CALML4: variants seen among roughly 807,000 people sequenced by gnomAD.
The protein encoded by CALML4 is calmodulin like 4.
CALML4 carries 16 observed loss-of-function variants against 17.9 expected under a neutral mutation model. The ratio of observed to expected loss-of-function variants is 0.89; its 90% CI spans 0.61 to 1.36. CALML4 has a LOEUF of 1.36. CALML4 is among the 40% of genes most tolerant of loss of function. The probability of loss-of-function intolerance (pLI) is 0.00; values close to 1 mark genes in which losing one functional copy is unlikely to be tolerated. For synonymous variants in CALML4, 86 were observed against 71.5 expected, an observed-to-expected ratio of 1.20 and a Z score of -1.02; for missense variants, 203 against 194.8, an observed-to-expected ratio of 1.04 and a Z score of -0.25.
chr15:68,203,725 T>TAC (rs1374123869), intron 2 of CALML4, among the ~76,000 whole-genome samples: 1 of 152,186 alleles, frequency 6.6e-6, no homozygotes, highest in African/African-American at 2.4e-5. Context: ...TGGCATATCC[T>TAC]ACTTCATAGG....
chr15:68,191,940 CTG>C lies in CALML4; in HGVS notation c.*2073_*2074del, dbSNP rs755777813. On this transcript the variant is annotated 3_prime_UTR_variant, in exon 5 of 5. Transcript: ENST00000467889. ...GGTTCTAATGACCATTCCACACCAA[CTG>C]TGTGTTTTTGGCAAGTTATATTTCA... The C allele has an allele frequency of 1.3e-5, 2 of 152,350 alleles. No homozygotes were observed. The highest frequency in any genetic ancestry group is 2.4e-5 in the African/African-American group (1 of 41,578). 9.4% of individuals were successfully genotyped at this position (152,350 alleles called of 1,614,324 possible).
chr15:68,202,493 C>T (rs1333165599), intron 2 of CALML4, among the ~76,000 whole-genome samples: 1 of 152,018 alleles, frequency 6.6e-6, no homozygotes, highest in African/African-American at 2.4e-5. Context: ...GTAGTCCCAG[C>T]TACTCAGGAG....
chr15:68,195,574 T>TCA (rs1191488133), intron 4 of CALML4, among the ~76,000 whole-genome samples: 15 of 152,094 alleles, frequency 9.9e-5, no homozygotes, highest in Admixed American at 5.9e-4. Context: ...TCACTCCATC[T>TCA]CACTTCAAAG....
intron 4 of CALML4, among the ~76,000 whole-genome samples, chr15:68,196,507 T>A (rs1182287701): frequency 6.6e-6 from 1 of 152,138 alleles, no homozygotes; most frequent in Non-Finnish European, 1.5e-5. Context: ...CAGCACCCAC[T>A]TGTGGCCAAG....
At chr15:68,203,656 G>A (rs545843715) in intron 2 of CALML4, among the ~76,000 whole-genome samples, 7 of 152,284 alleles carry the variant, frequency 4.6e-5, no homozygotes, top group Admixed American at 1.3e-4. Context: ...CTGGCCCAGC[G>A]TCCAGCATGT....
intron 2 of CALML4, among the ~76,000 whole-genome samples, chr15:68,202,581 ACT>A (rs944592664): frequency 4.0e-5 from 6 of 151,514 alleles, no homozygotes; most frequent in Admixed American, 1.3e-4. Context: ...ACAGAGCAAG[ACT>A]CTGTCTCAAA....
rs558154168 is a variant in CALML4 at position 68,199,638 on chromosome 15, C to T, written c.78G>A (p.Gly26=). 15 of 1,613,548 alleles carry T rather than the reference C, an allele frequency of 9.3e-6. 1 individual carries two copies. In the South Asian group the frequency reaches 1.1e-4, roughly 12 times the overall value. ...CCATGAGGTCGGTGGCTTTTATCTT[C>T]CCCCTCTGCTGCTTGTCATACAGGG... ...CFSLYDKQQR[G]KIKATDLMVA... The change falls in exon 3 of 5, where the codon GGG becomes GGA. Residue 26 remains glycine, a synonymous_variant. Coordinates refer to ENST00000467889, the MANE Select transcript of CALML4 (RefSeq NM_033429.3).
At position 68,199,567 on chromosome 15, in the gene CALML4, T is replaced by C. The variant is rs199655041; in HGVS notation, c.149A>G (p.Gln50Arg). ...TATCCCGTGGGTCTGCAGGTGCCGC[T>C]GCACCTCCCCTGGCGTCGGGCTGGC... ...LGASPTPGEV[Q>R]RHLQTHGIDG... is the part of the protein sequence containing the mutation. Residue 50 changes from glutamine (Q) to arginine (R), a missense_variant, in exon 3 of 5, where the codon CAG becomes CGG. By Grantham distance (43) the Gln-to-Arg change is conservative. Transcript: ENST00000467889. 9.9e-6 allele frequency: 16 copies of C among 1,613,580 alleles called. No individual in the cohort carries two copies. The highest frequency in any genetic ancestry group is 1.6e-4 in the Middle Eastern group (1 of 6,076).
intron 4 of CALML4, among the ~76,000 whole-genome samples, chr15:68,196,697 G>A (rs2093145984): frequency 6.6e-6 from 1 of 152,154 alleles, no homozygotes; most frequent in Admixed American, 6.5e-5. Context: ...AATGGCCTTG[G>A]CGTGGGGATC....
At chr15:68,194,362 C>T (rs1165150305) in intron 4 of CALML4, among the ~76,000 whole-genome samples, 14 of 148,818 alleles carry the variant, frequency 9.4e-5, no homozygotes, top group East Asian at 5.9e-4. Context: ...GGTAAGGATT[C>T]GGTCACTGAT....
chr15:68,205,146 CTT>C lies in CALML4; in HGVS notation c.7_8del (p.Lys3ValfsTer8), dbSNP rs756508837. On this transcript the variant is annotated frameshift_variant, in exon 2 of 5. Coordinates refer to ENST00000467889, the MANE Select transcript of CALML4 (RefSeq NM_033429.3). LOFTEE classifies it high-confidence loss of function. This position sits in a 1 kb window ranked among gnomAD's most constrained non-coding sequence, Gnocchi z 4.8. ...CATTAATTTGGTCTTGGGAAAGAAA[CTT>C]GGCCTGCAGCAGAGAAAGGAAAACA... is the stretch of plus-strand genomic sequence containing the variant. MA[K>X]FLSQDQINEY... 2 of 1,614,148 alleles carry C rather than the reference CTT, an allele frequency of 1.2e-6. No individual in the cohort carries two copies. Among genetic ancestry groups the C allele is most frequent in the East Asian group, 2.2e-5 (1 of 44,866 alleles).
chr15:68,197,496 G>T lies in CALML4; in HGVS notation c.308C>A (p.Ala103Glu). 6.2e-7 allele frequency: 1 copy of T among 1,614,130 alleles called. No individual in the cohort carries two copies. The highest frequency in any genetic ancestry group is 8.5e-7 in the Non-Finnish European group (1 of 1,180,022). The change falls in exon 4 of 5, where the codon GCG (alanine) becomes GAG (glutamate). Residue 103 changes from alanine (A) to glutamate (E), a missense_variant. Ala to Glu is a moderately radical substitution (Grantham distance 107). Coordinates refer to ENST00000467889, the MANE Select transcript of CALML4 (RefSeq NM_033429.3). This position sits in a 1 kb window ranked among gnomAD's most constrained non-coding sequence, Gnocchi z 4.1. The stretch of plus-strand genomic sequence containing the variant: ...CGTGAGTTTTGACCGCAGGTCGGAC[G>T]CCATGACGTAACCTTTCTTCTCCTT... ...VDKEKKGYVM[A>E]SDLRSKLTSL... is the part of the protein sequence containing the mutation.
In CALML4 at chr15:68,199,683, T is replaced by C. The variant is rs750744719; in HGVS notation, c.35-2A>G. The C allele has an allele frequency of 3.7e-6, 6 of 1,612,816 alleles. No individual in the cohort carries two copies. In the Admixed American group the frequency reaches 8.3e-5, roughly 22 times the overall value. On this transcript the variant is annotated splice_acceptor_variant, in intron 2 of 4. Transcript: ENST00000467889. LOFTEE classifies it high-confidence loss of function. ...ACAGGGAGAAGCATTCCTTGTACTCTGCACACGGCCCAGAGGGAGGGTCAG... is the reference window on the plus strand; with the variant it reads ...ACAGGGAGAAGCATTCCTTGTACTCCGCACACGGCCCAGAGGGAGGGTCAG...
rs1191348546 is a variant in CALML4 at position 68,202,645 on chromosome 15, T to C, written c.34+2476A>G. 5.4e-3 allele frequency among the ~76,000 whole-genome samples: 773 copies of C among 143,216 alleles called. 15 individuals are homozygous for C. Among genetic ancestry groups the C allele is most frequent in the Admixed American group, 8.3e-3 (121 of 14,630 alleles). 94.0% of individuals were successfully genotyped at this position (143,216 alleles called of 152,430 possible). On this transcript the variant is annotated intron_variant, in intron 2 of 4. Coordinates refer to ENST00000467889, the MANE Select transcript of CALML4 (RefSeq NM_033429.3). ...TTACCACAAATGAGTTTTGCCAACTTTTTTTTTTTTTTTTTTTGAGAGAGT... is the reference window on the plus strand; with the variant it reads ...TTACCACAAATGAGTTTTGCCAACTCTTTTTTTTTTTTTTTTTGAGAGAGT...
In CALML4 at chr15:68,193,914, C is replaced by A; in HGVS notation, c.*101G>T. Reference sequence around the variant, plus strand: ...CTATAGTTGGGTAATGTTGTCTTGCCACTGTGTTTGCCATCTCTCCCAAGT... The same window carrying A: ...CTATAGTTGGGTAATGTTGTCTTGCAACTGTGTTTGCCATCTCTCCCAAGT... On this transcript the variant is annotated 3_prime_UTR_variant, in exon 5 of 5. Coordinates refer to ENST00000467889, the MANE Select transcript of CALML4 (RefSeq NM_033429.3). 1 of 748,712 alleles carries A rather than the reference C, an allele frequency of 1.3e-6. No individual in the cohort carries two copies. The highest frequency in any genetic ancestry group is 1.7e-5 in the South Asian group (1 of 59,148). The allele number at this position is 748,712 out of a possible 1,614,324, so 46.4% of individuals were successfully genotyped here. A position where few individuals can be genotyped will look rare whatever the true frequency, so the allele number is the denominator to read the frequency against.
rs553787022 is a variant in CALML4 at position 68,204,673 on chromosome 15, C to T, written c.34+448G>A. Among the ~76,000 whole-genome samples the T allele has an allele frequency of 4.1e-3, 619 of 152,256 alleles. 1 individual carries two copies. The highest frequency in any genetic ancestry group is 7.0e-3 in the Non-Finnish European group (475 of 67,996). ...GCCAGGGCAAAGGGGGCTCAGTGGACCCTCCATTTTACAGATAGGGAGACT... is the reference window on the plus strand; with the variant it reads ...GCCAGGGCAAAGGGGGCTCAGTGGATCCTCCATTTTACAGATAGGGAGACT... On this transcript the variant is annotated intron_variant, in intron 2 of 4. Coordinates refer to ENST00000467889, the MANE Select transcript of CALML4 (RefSeq NM_033429.3). This position sits in a 1 kb window ranked among gnomAD's most constrained non-coding sequence, Gnocchi z 6.0.
At chr15:68,199,783 G>T in intron 2 of CALML4, 102 bp from the exon 3 acceptor site, 3 of 1,328,918 alleles carry the variant, frequency 2.3e-6, no homozygotes, top group Non-Finnish European at 3.1e-6. Flanking sequence ...CCTTCCTTTT[G>T]CCTACTCCCT....
At chr15:68,198,734 C>T (rs1001894734) in intron 3 of CALML4, 1 of 145,260 alleles carries the variant, frequency 6.9e-6, no homozygotes, top group Non-Finnish European at 1.6e-5. Context: ...TTTTTTCTAG[C>T]AATAGTTTTT....
rs564824738 is a variant in CALML4, at chr15:68,199,476, C to T, written c.175+65G>A. The T allele has an allele frequency of 6.5e-6, 10 of 1,534,448 alleles. No individual in the cohort carries two copies. The East Asian group carries it at 2.3e-4, about 36-fold the overall frequency. ...CCCTCAAACTGCTGAGCTTTTCACA[C>T]CTCTACTGTCTGCACCCACCTGCTG... On this transcript the variant is annotated intron_variant, in intron 3 of 4. Transcript: ENST00000467889.
Sources: allele counts gnomAD v4.1 joint callset (sites outside exome capture counted in the v4.1 genomes callset), GRCh38; gene constraint gnomAD v4.1.1; non-coding constraint Gnocchi (gnomAD v3.1); transcripts MANE v1.5; gene names NCBI Gene and HGNC (gene_info 2026-07-23, HGNC 2026-07-21).